The following RAB10 variants were observed in gnomAD, a reference collection of about 807,000 sequenced individuals.
RAB10 encodes RAB10, member RAS oncogene family.
Under a neutral mutation model 25.7 loss-of-function variants are expected in RAB10, and 5 were observed. The ratio of observed to expected loss-of-function variants is 0.19; its 90% CI spans 0.10 to 0.41. RAB10 has a LOEUF of 0.41. RAB10 is among the 10% of genes least tolerant of loss of function. The pLI is 1.00. For missense variants in RAB10, 103 were observed against 245.8 expected (o/e 0.42, Z 3.89); for synonymous variants, 89 against 86.4 (o/e 1.03, Z -0.16).
intron 1 of RAB10, among the ~76,000 whole-genome samples, chr2:26,064,910 T>G (rs1666481616): frequency 1.3e-5 from 2 of 152,020 alleles, no homozygotes; most frequent in South Asian, 4.1e-4. Flanking sequence ...CTCACTGTCT[T>G]AGCTGGGTAT....
At chr2:26,062,126 G>A (rs1237128285) in intron 1 of RAB10, among the ~76,000 whole-genome samples, 2 of 151,992 alleles carry the variant, frequency 1.3e-5, no homozygotes, top group African/African-American at 2.4e-5. Flanking sequence ...CCCATAATAG[G>A]CAATAATATA....
chr2:26,131,095 A>T, intron 5 of RAB10, among the ~76,000 whole-genome samples: 1 of 147,938 alleles, frequency 6.8e-6, no homozygotes, highest in Non-Finnish European at 1.5e-5. Flanking sequence ...CCCCAGTGAG[A>T]TAGAGCTTTC....
intron 2 of RAB10, among the ~76,000 whole-genome samples, chr2:26,107,066 C>T (rs186809090): frequency 1.1e-4 from 16 of 150,932 alleles, no homozygotes; most frequent in African/African-American, 2.9e-4. Context: ...GCCAACATGG[C>T]GAAAACCCAT....
intron 1 of RAB10, among the ~76,000 whole-genome samples, chr2:26,070,042 G>GGT (rs956191401): frequency 2.6e-5 from 4 of 152,182 alleles, no homozygotes; most frequent in African/African-American, 9.7e-5. Flanking sequence ...GTTTGGGGGA[G>GGT]GTGTGTGTGT....
At chr2:26,051,628 C>CCTA (rs1666135781) in intron 1 of RAB10, among the ~76,000 whole-genome samples, 1 of 150,882 alleles carries the variant, frequency 6.6e-6, no homozygotes. Context: ...GTGGTGAGTG[C>CCTA]CTGTAGTCCC....
chr2:26,048,098 T>G (rs1275328583), intron 1 of RAB10, among the ~76,000 whole-genome samples: 1 of 152,010 alleles, frequency 6.6e-6, no homozygotes, highest in Non-Finnish European at 1.5e-5. Flanking sequence ...ACCAGTTTGT[T>G]TAATCTTTAC....
At chr2:26,054,003 C>T (rs953356439) in intron 1 of RAB10, among the ~76,000 whole-genome samples, 1,995 of 111,562 alleles carry the variant, frequency 0.018, 48 homozygotes, top group African/African-American at 0.062. Flanking sequence ...CACCCGGCTT[C>T]TTTTTCTTTC....
At chr2:26,063,354 T>C (rs1017572094) in intron 1 of RAB10, among the ~76,000 whole-genome samples, 1 of 152,222 alleles carries the variant, frequency 6.6e-6, no homozygotes, top group African/African-American at 2.4e-5. Flanking sequence ...AATTGTGCAA[T>C]TGAACATATA....
chr2:26,061,911 G>A (rs1336985538), intron 1 of RAB10, among the ~76,000 whole-genome samples: 1 of 151,826 alleles, frequency 6.6e-6, no homozygotes, highest in African/African-American at 2.4e-5. Context: ...TTTTATACAG[G>A]CAGGGCCTCA....
chr2:26,108,878 TATA>T (rs1404577732), intron 2 of RAB10, among the ~76,000 whole-genome samples: 9 of 90,964 alleles, frequency 9.9e-5, no homozygotes, highest in African/African-American at 3.3e-4. Flanking sequence ...TCTTTTGCTT[TATA>T]TTTATTTATT....
chr2:26,120,360 A>C (rs1574561344), intron 3 of RAB10, among the ~76,000 whole-genome samples: 1 of 152,204 alleles, frequency 6.6e-6, no homozygotes, highest in South Asian at 2.1e-4. Flanking sequence ...GTACTTATAC[A>C]ACTTGCAAAG....
At chr2:26,090,848 G>A (rs1667091172) in intron 1 of RAB10, among the ~76,000 whole-genome samples, 1 of 151,706 alleles carries the variant, frequency 6.6e-6, no homozygotes, top group Non-Finnish European at 1.5e-5. Flanking sequence ...GCAGAAGAAA[G>A]GCTTGAACCT....
intron 2 of RAB10, 77 bp from the exon 3 acceptor site, chr2:26,109,691 C>T: frequency 7.3e-7 from 1 of 1,367,880 alleles, no homozygotes; most frequent in Non-Finnish European, 9.6e-7. Flanking sequence ...TTAGGAAAAA[C>T]TATTCTTGTT....
At position 26,064,536 on chromosome 2, in the gene RAB10, G is replaced by A. The variant is rs554978385; in HGVS notation, c.127+29801G>A. On this transcript the variant is annotated intron_variant, in intron 1 of 5. Coordinates refer to ENST00000264710, the MANE Select transcript of RAB10 (RefSeq NM_016131.5). The stretch of plus-strand genomic sequence containing the variant: ...TTTTTTCATTTTTTGTAGAGATGGG[G>A]TGTACACCATGTTGCCCAGGGTGGT... Among the ~76,000 whole-genome samples the A allele has an allele frequency of 6.8e-4, 103 of 152,060 alleles. 1 individual carries two copies. The highest frequency in any genetic ancestry group is 2.4e-3 in the African/African-American group (100 of 41,460).
At chr2:26,074,441 G>C (rs1254049104) in intron 1 of RAB10, among the ~76,000 whole-genome samples, 3 of 152,112 alleles carry the variant, frequency 2.0e-5, no homozygotes, top group Non-Finnish European at 4.4e-5. Flanking sequence ...TTTTTGAGAT[G>C]GAGATTCACT....
At chr2:26,107,664 T>C (rs1667492898) in intron 2 of RAB10, among the ~76,000 whole-genome samples, 1 of 151,558 alleles carries the variant, frequency 6.6e-6, no homozygotes, top group Non-Finnish European at 1.5e-5. Context: ...GGCGTGGTGG[T>C]GGGCGCCTGT....
intron 1 of RAB10, among the ~76,000 whole-genome samples, chr2:26,052,290 G>A (rs1666155269): frequency 2.6e-5 from 4 of 151,790 alleles, no homozygotes; most frequent in Admixed American, 1.3e-4. Flanking sequence ...GGAGGCAGAT[G>A]TAGGTAGACT....
chr2:26,034,974 T>C (rs1012429312), intron 1 of RAB10, among the ~76,000 whole-genome samples: 3 of 152,232 alleles, frequency 2.0e-5, no homozygotes, highest in Non-Finnish European at 4.4e-5. Context: ...TTACAAAATA[T>C]GCATCATTTA....
chr2:26,055,245 A>T (rs2149265343), intron 1 of RAB10, among the ~76,000 whole-genome samples: 2 of 152,306 alleles, frequency 1.3e-5, no homozygotes, highest in South Asian at 4.1e-4. Context: ...TATCATCTGA[A>T]GTTAGAATAT....
Sources: allele counts gnomAD v4.1 joint callset (sites outside exome capture counted in the v4.1 genomes callset), GRCh38; gene constraint gnomAD v4.1.1; transcripts MANE v1.5; gene names NCBI Gene and HGNC (gene_info 2026-07-23, HGNC 2026-07-21).